Variants in ATP2C2 observed in about 807,000 individuals in gnomAD.
ATP2C2 encodes calcium-transporting ATPase type 2C member 2.
Under a neutral mutation model 110.8 loss-of-function variants are expected in ATP2C2, and 171 were observed. That is an observed-to-expected ratio of 1.54 (90% CI 1.36 to 1.75). The LOEUF (loss-of-function observed/expected upper bound fraction) is 1.75, where lower values mean the gene tolerates loss of function less well. Ranked by LOEUF, ATP2C2 falls within the 40% of genes most tolerant of loss-of-function variation. ATP2C2 has a pLI of 0.00. For synonymous variants in ATP2C2, 804 were observed against 508.4 expected, an observed-to-expected ratio of 1.58 and a Z score of -7.82; for missense variants, 1,963 against 1,235.0, an observed-to-expected ratio of 1.59 and a Z score of -8.84.
chr16:84,439,338 G>A, intron 12 of ATP2C2, 48 bp downstream of exon 12: 2 of 1,613,530 alleles, frequency 1.2e-6, no homozygotes. Flanking sequence ...ATTGAATGGG[G>A]GCTTGGCTGT....
chr16:84,460,126 A>T (rs1597885237), intron 23 of ATP2C2: 1 of 202,492 alleles, frequency 4.9e-6, no homozygotes, highest in African/African-American at 2.3e-5. Flanking sequence ...TGTGAGGGTT[A>T]CCTCTCCTGC....
intron 6 of ATP2C2, among the ~76,000 whole-genome samples, chr16:84,412,543 TATG>T (rs1906461571): frequency 9.9e-6 from 1 of 101,342 alleles, no homozygotes; most frequent in African/African-American, 4.1e-5. Flanking sequence ...TCTGTGTGTG[TATG>T]CGTGTGTGTG....
At chr16:84,406,570 C>G in intron 3 of ATP2C2, 1 of 985,358 alleles carries the variant, frequency 1.0e-6, no homozygotes, top group Non-Finnish European at 1.2e-6. Flanking sequence ...CTTGAGGTCC[C>G]CTCCCTGATC....
intron 11 of ATP2C2, among the ~76,000 whole-genome samples, chr16:84,436,477 G>T (rs1366687708): frequency 6.6e-6 from 1 of 152,174 alleles, no homozygotes; most frequent in Non-Finnish European, 1.5e-5. Context: ...GGCAGTGGCT[G>T]TGGGTGGGTT....
At chr16:84,415,391 G>T (rs929056886) in intron 6 of ATP2C2, 92 bp from the exon 7 acceptor site, 2 of 1,066,670 alleles carry the variant, frequency 1.9e-6, no homozygotes, top group African/African-American at 3.1e-5. Context: ...AAAGAGAAAA[G>T]TGTGTTTCTA....
In ATP2C2 at chr16:84,388,190, T is replaced by A. The variant is rs1217979145; in HGVS notation, c.100-10309T>A. ...AAATACAAAAATTAGCTGGGCATGG[T>A]GGCAGGTACCTGTAACTCTAGCTAC... On this transcript the variant is annotated intron_variant, in intron 1 of 26. Coordinates refer to ENST00000262429, the MANE Select transcript of ATP2C2 (RefSeq NM_014861.4). 2.0e-5 allele frequency among the ~76,000 whole-genome samples: 3 copies of A among 152,056 alleles called. No homozygotes were observed. In the East Asian group the frequency reaches 5.8e-4, roughly 29 times the overall value.
chr16:84,449,847 G>A lies in ATP2C2; in HGVS notation c.1660+1158G>A, dbSNP rs115519270. On this transcript the variant is annotated intron_variant, in intron 17 of 26. Transcript: ENST00000262429. ...CTGACGAAATGGCTCACTTAAGAGT[G>A]GACACGTTAGTAAGTAAACATCCCA... Among the ~76,000 whole-genome samples the A allele has an allele frequency of 4.1e-3, 627 of 152,320 alleles. 6 individuals are homozygous for A. Among genetic ancestry groups the A allele is most frequent in the African/African-American group, 0.014 (594 of 41,562 alleles).
At chr16:84,450,022 C>T (rs1292214959) in intron 17 of ATP2C2, among the ~76,000 whole-genome samples, 4 of 152,242 alleles carry the variant, frequency 2.6e-5, no homozygotes, top group South Asian at 2.1e-4. Context: ...GTGCAGCCAG[C>T]GCCTTCGCCC....
chr16:84,461,879 CTGCCCGCAGCAT>C lies in ATP2C2; in HGVS notation c.2580+70_2580+81del, dbSNP rs1300343749. ...TGTTCTCGACAGCAGCGCCCCGACC[CTGCCCGCAGCAT>C]TGAGCGGCTCTGGCTCAGCGTGGGC... On this transcript the variant is annotated intron_variant, in intron 25 of 26. Transcript: ENST00000262429. The C allele has an allele frequency of 2.6e-5, 42 of 1,608,840 alleles. No homozygotes were observed. The African/African-American group carries it at 5.2e-4, about 20-fold the overall frequency.
At position 84,410,701 on chromosome 16, in the gene ATP2C2, C is replaced by A; in HGVS notation, c.454-3C>A. 6.2e-7 allele frequency: 1 copy of A among 1,614,112 alleles called. No homozygotes were observed. The highest frequency in any genetic ancestry group is 2.2e-5 in the East Asian group (1 of 44,868). The stretch of plus-strand genomic sequence containing the variant: ...ACAGCACATCTGATGTGCTTCCTGC[C>A]AGGAGTACAGGTCGGAGAAATCTCT... On this transcript the variant is annotated splice_region_variant and splice_polypyrimidine_tract_variant and intron_variant, in intron 5 of 26. Transcript: ENST00000262429.
intron 17 of ATP2C2, 82 bp downstream of exon 17, chr16:84,448,771 T>G (rs2150578349): frequency 1.3e-6 from 2 of 1,517,408 alleles, no homozygotes; most frequent in East Asian, 4.6e-5. Flanking sequence ...GGGTCCCTAG[T>G]CAAGGAGGTC....
At chr16:84,371,192 G>C (rs958364756) in intron 1 of ATP2C2, among the ~76,000 whole-genome samples, 1 of 152,174 alleles carries the variant, frequency 6.6e-6, no homozygotes, top group Non-Finnish European at 1.5e-5. Context: ...AAGCACTGGA[G>C]ACTGGATTTC....
At chr16:84,461,877 C>A (rs1744656906) in intron 25 of ATP2C2, 65 bp downstream of exon 25, 2 of 1,608,058 alleles carry the variant, frequency 1.2e-6, no homozygotes, top group Non-Finnish European at 1.7e-6. Context: ...AGCGCCCCGA[C>A]CCTGCCCGCA....
rs1347730140 is a variant in ATP2C2 at position 84,451,905 on chromosome 16, C to G, written c.1661-16C>G. 6.2e-7 allele frequency: 1 copy of G among 1,606,050 alleles called. No homozygotes were observed. Among genetic ancestry groups the G allele is most frequent in the Non-Finnish European group, 8.5e-7 (1 of 1,177,682 alleles). On this transcript the variant is annotated splice_polypyrimidine_tract_variant and intron_variant, in intron 17 of 26. Transcript: ENST00000262429. Reference sequence around the variant, plus strand: ...AAGCCCCCGGTGACCCCTCCTTACTCCCCCTCTCTCCTCAGTGCTGGCCCT... The same window carrying G: ...AAGCCCCCGGTGACCCCTCCTTACTGCCCCTCTCTCCTCAGTGCTGGCCCT...
rs183024457 is a variant in ATP2C2 at position 84,436,854 on chromosome 16, C to G, written c.987-2312C>G. ...CTCAGCTCACCACAACCTCCACCTC[C>G]CAGGTTCAAGCGATTCTCCTGCCTC... On this transcript the variant is annotated intron_variant, in intron 11 of 26. Transcript: ENST00000262429. Among the ~76,000 whole-genome samples, 1,136 of 151,920 alleles carry G rather than the reference C, an allele frequency of 7.5e-3. 13 individuals are homozygous for G. Among genetic ancestry groups the G allele is most frequent in the Non-Finnish European group, 0.011 (767 of 67,952 alleles).
intron 11 of ATP2C2, among the ~76,000 whole-genome samples, chr16:84,430,911 C>A (rs1567718674): frequency 6.6e-6 from 1 of 152,114 alleles, no homozygotes; most frequent in Non-Finnish European, 1.5e-5. Context: ...CCCAACCCCC[C>A]CACCTCAGCA....
intron 10 of ATP2C2, among the ~76,000 whole-genome samples, chr16:84,424,074 G>A (rs1385454943): frequency 6.6e-6 from 1 of 152,114 alleles, no homozygotes; most frequent in East Asian, 1.9e-4. Flanking sequence ...AATATTTGTT[G>A]AGTAAAACAT....
chr16:84,449,593 T>G lies in ATP2C2; in HGVS notation c.1660+904T>G, dbSNP rs114369357. Reference sequence around the variant, plus strand: ...GCTTGCCCTGAGCCTTGACTCTGTTTCGGTGGCAGAGAAGCCAGGCCCAGC... The same window carrying G: ...GCTTGCCCTGAGCCTTGACTCTGTTGCGGTGGCAGAGAAGCCAGGCCCAGC... On this transcript the variant is annotated intron_variant, in intron 17 of 26. Transcript: ENST00000262429. Among the ~76,000 whole-genome samples, 696 of 152,272 alleles carry G rather than the reference T, an allele frequency of 4.6e-3. 5 individuals are homozygous for G. The highest frequency in any genetic ancestry group is 0.016 in the African/African-American group (652 of 41,536).
chr16:84,424,808 C>T (rs536828076), intron 10 of ATP2C2, among the ~76,000 whole-genome samples: 10 of 152,164 alleles, frequency 6.6e-5, no homozygotes, highest in South Asian at 2.1e-4. Flanking sequence ...ACATGGATTT[C>T]GGAAGAGATG....
Sources: allele counts gnomAD v4.1 joint callset (sites outside exome capture counted in the v4.1 genomes callset), GRCh38; gene constraint gnomAD v4.1.1; transcripts MANE v1.5; gene names NCBI Gene and HGNC (gene_info 2026-07-23, HGNC 2026-07-21).